ELMO1: variants seen among roughly 807,000 people sequenced by gnomAD.
ELMO1 encodes engulfment and cell motility 1, also known as engulfment and cell motility protein 1.
Under a neutral mutation model 98.9 loss-of-function variants are expected in ELMO1, and 26 were observed. The observed-to-expected ratio is 0.26, with a 90% confidence interval of 0.19 to 0.36. The LOEUF (loss-of-function observed/expected upper bound fraction) is 0.36, where lower values mean the gene tolerates loss of function less well. ELMO1 is among the 10% of genes least tolerant of loss of function. The pLI is 1.00. For synonymous variants in ELMO1, 346 were observed against 346.0 expected, an observed-to-expected ratio of 1.00 and a Z score of 0.00; for missense variants, 627 against 935.2, an observed-to-expected ratio of 0.67 and a Z score of 4.30.
rs781249938 is a variant in ELMO1 at position 37,364,605 on chromosome 7, T to G, written c.-73-21842A>C. 4.6e-5 allele frequency among the ~76,000 whole-genome samples: 7 copies of G among 151,946 alleles called. No homozygotes were observed. In the South Asian group the frequency reaches 6.2e-4, roughly 14 times the overall value. ...TTAATTTTTTTTTTTTTCAGAATAC[T>G]TACCTTCTGTAATTAAGATAGGGAA... On this transcript the variant is annotated intron_variant, in intron 1 of 21. Transcript: ENST00000310758.
At chr7:37,158,820 T>C (rs1788984523) in intron 13 of ELMO1, among the ~76,000 whole-genome samples, 1 of 152,170 alleles carries the variant, frequency 6.6e-6, no homozygotes, top group African/African-American at 2.4e-5. Context: ...ACCCAAAGGA[T>C]TATAAATCAT....
intron 20 of ELMO1, among the ~76,000 whole-genome samples, chr7:36,868,441 G>A (rs1803225121): frequency 1.3e-5 from 2 of 151,780 alleles, no homozygotes; most frequent in South Asian, 2.1e-4. Flanking sequence ...CACCTCCTGG[G>A]TTCAAGTGAT....
In ELMO1 at chr7:37,375,624, G is replaced by C. The variant is rs1362261857; in HGVS notation, c.-73-32861C>G. 3.5e-6 allele frequency: 4 copies of C among 1,157,272 alleles called. No individual in the cohort carries two copies. The African/African-American group carries it at 4.5e-5, about 13-fold the overall frequency. The allele number at this position is 1,157,272 out of a possible 1,614,324, so 71.7% of individuals were successfully genotyped here. ...TGTCCCCCATGCCTAAGCACCAGGAGCTGGCAGACAAGAATGTGCCCAACC... is the reference window on the plus strand; with the variant it reads ...TGTCCCCCATGCCTAAGCACCAGGACCTGGCAGACAAGAATGTGCCCAACC... On this transcript the variant is annotated intron_variant, in intron 1 of 21. Coordinates refer to ENST00000310758, the MANE Select transcript of ELMO1 (RefSeq NM_014800.11).
At chr7:37,394,454 ATC>A (rs1485127823) in intron 1 of ELMO1, among the ~76,000 whole-genome samples, 1 of 152,224 alleles carries the variant, frequency 6.6e-6, no homozygotes, top group Non-Finnish European at 1.5e-5. Flanking sequence ...AGAAACAGGA[ATC>A]TCTGAAGGGT....
intron 20 of ELMO1, among the ~76,000 whole-genome samples, chr7:36,864,717 A>G (rs1050751213): frequency 6.6e-6 from 1 of 152,236 alleles, no homozygotes; most frequent in Non-Finnish European, 1.5e-5. Context: ...TGCCCCCCTC[A>G]GGGCCTACTT....
intron 15 of ELMO1, among the ~76,000 whole-genome samples, chr7:37,041,825 ATTCACTGAG>A (rs912333852): frequency 6.6e-5 from 10 of 152,168 alleles, no homozygotes; most frequent in African/African-American, 2.4e-4. Flanking sequence ...ACCCTTTCTC[ATTCACTGAG>A]TTGCACCAAA....
Position 37,213,339 on chromosome 7 carries a change from T to C in ELMO1, c.950A>G (p.Asp317Gly). 2 of 1,612,992 alleles carry C rather than the reference T, an allele frequency of 1.2e-6. No individual in the cohort carries two copies. Among genetic ancestry groups the C allele is most frequent in the Admixed American group, 1.7e-5 (1 of 60,008 alleles). ...TGCTGTCCAATGAGCACTCACCTGG[T>C]CCTGGGGGTCCATTTTGGTCATCAT... is the stretch of plus-strand genomic sequence containing the variant. ...DRMMTKMDPQ[D>G]QAQRDIIFEL... Residue 317 changes from aspartate to glycine, a missense_variant, in exon 12 of 22, where the codon GAC (aspartate) becomes GGC (glycine). Physicochemically the swap from Asp to Gly is moderately conservative, Grantham distance 94. This residue lies in a region of ELMO1 where 492 missense variants were observed against 715.6 expected (regional missense o/e 0.69). Transcript: ENST00000310758.
chr7:36,878,383 G>A (rs1489285140), intron 18 of ELMO1, among the ~76,000 whole-genome samples: 1 of 152,080 alleles, frequency 6.6e-6, no homozygotes, highest in African/African-American at 2.4e-5. Flanking sequence ...ATTTTATGAG[G>A]TGGTGGCTTC....
chr7:37,215,331 A>T (rs929187271), intron 11 of ELMO1, among the ~76,000 whole-genome samples: 1 of 152,106 alleles, frequency 6.6e-6, no homozygotes, highest in Non-Finnish European at 1.5e-5. Flanking sequence ...GCTTACTTGT[A>T]TTGGTGGGAG....
intron 16 of ELMO1, among the ~76,000 whole-genome samples, chr7:36,995,672 GATAA>G (rs1792161860): frequency 6.6e-6 from 1 of 152,182 alleles, no homozygotes; most frequent in Admixed American, 6.5e-5. Flanking sequence ...AATTTTAACA[GATAA>G]ATAAATGTAT....
chr7:37,192,589 A>G (rs2130178993), intron 13 of ELMO1, among the ~76,000 whole-genome samples: 1 of 151,496 alleles, frequency 6.6e-6, no homozygotes, highest in East Asian at 1.9e-4. Flanking sequence ...ACTTAAGGTC[A>G]GGAGTTCGAG....
At chr7:37,021,783 T>C (rs1794282577) in intron 15 of ELMO1, among the ~76,000 whole-genome samples, 1 of 152,236 alleles carries the variant, frequency 6.6e-6, no homozygotes, top group Non-Finnish European at 1.5e-5. Context: ...ACTCAATACA[T>C]GTCAGTCGTT....
At chr7:36,876,503 G>A (rs183999514) in intron 19 of ELMO1, among the ~76,000 whole-genome samples, 1 of 151,910 alleles carries the variant, frequency 6.6e-6, no homozygotes, top group East Asian at 1.9e-4. Context: ...GGGAATCACA[G>A]TTCTGAAACT....
intron 12 of ELMO1, 86 bp downstream of exon 12, chr7:37,213,249 C>T: frequency 2.0e-6 from 3 of 1,488,672 alleles, no homozygotes; most frequent in South Asian, 1.4e-5. Flanking sequence ...TCTGAAACTC[C>T]CTAGTTTCAG....
rs962491668 is a variant in ELMO1, at chr7:37,331,216, T to G, written c.78+11397A>C. Among the ~76,000 whole-genome samples, 46 of 151,432 alleles carry G rather than the reference T, an allele frequency of 3.0e-4. 2 individuals carry two copies. The highest frequency in any genetic ancestry group is 1.5e-5 in the Non-Finnish European group (1 of 67,842). The stretch of plus-strand genomic sequence containing the variant: ...ACACAGTCTCGCTCTGTCGCCCAAG[T>G]TGGAGTGCAGTGGTGCAATCTCGGC... On this transcript the variant is annotated intron_variant, in intron 2 of 21. Coordinates refer to ENST00000310758, the MANE Select transcript of ELMO1 (RefSeq NM_014800.11).
intron 6 of ELMO1, among the ~76,000 whole-genome samples, chr7:37,250,682 C>T (rs1030274105): frequency 1.3e-5 from 2 of 151,214 alleles, no homozygotes; most frequent in African/African-American, 4.9e-5. Context: ...GTCCCAGCTA[C>T]TCTGGAGGCT....
chr7:37,255,805 A>G (rs1159107769), intron 6 of ELMO1, among the ~76,000 whole-genome samples: 3 of 91,962 alleles, frequency 3.3e-5, no homozygotes. Context: ...AGCTTAATCA[A>G]TAAACAGGGG....
intron 16 of ELMO1, among the ~76,000 whole-genome samples, chr7:36,907,989 T>C (rs1274332545): frequency 6.6e-6 from 1 of 152,220 alleles, no homozygotes; most frequent in East Asian, 1.9e-4. Context: ...GAAGTCCCAA[T>C]AAGCACTAAC....
intron 16 of ELMO1, among the ~76,000 whole-genome samples, chr7:36,895,355 C>T (rs1416804903): frequency 1.3e-5 from 2 of 152,072 alleles, no homozygotes; most frequent in Admixed American, 6.5e-5. Flanking sequence ...CAGGAATGAA[C>T]GAAGGCCAAG....
Sources: gnomAD v4.1 joint callset for allele counts (sites outside exome capture counted in the v4.1 genomes callset) on GRCh38, gnomAD v4.1.1 for gene constraint, gnomAD v4.1.1 regional missense constraint, MANE v1.5 for transcripts, NCBI Gene and HGNC (gene_info 2026-07-23, HGNC 2026-07-21) for gene names.